CACNA2D4: variants seen among roughly 807,000 people sequenced by gnomAD.
The protein encoded by CACNA2D4 is calcium voltage-gated channel auxiliary subunit alpha2delta 4.
In CACNA2D4, 157 loss-of-function variants were observed where a neutral mutation model predicts 163.8. The observed-to-expected ratio is 0.96, with a 90% confidence interval of 0.84 to 1.09. The LOEUF is 1.09. CACNA2D4 is among the 50% of genes least tolerant of loss of function. The pLI, the probability that CACNA2D4 is intolerant of heterozygous loss-of-function variation, is 0.00. For missense variants in CACNA2D4, 1,410 were observed against 1,479.9 expected, an observed-to-expected ratio of 0.95 and a Z score of 0.78; for synonymous variants, 598 against 586.9, an observed-to-expected ratio of 1.02 and a Z score of -0.27.
In CACNA2D4 at chr12:1,828,201, G is replaced by A; in HGVS notation, c.2551+12538C>T. The A allele has an allele frequency of 1.9e-6, 3 of 1,546,788 alleles. No homozygotes were observed. The highest frequency in any genetic ancestry group is 2.6e-6 in the Non-Finnish European group (3 of 1,145,278). On this transcript the variant is annotated intron_variant, in intron 26 of 37. Coordinates refer to ENST00000382722, the MANE Select transcript of CACNA2D4 (RefSeq NM_172364.5). This position sits in a 1 kb window ranked among gnomAD's most constrained non-coding sequence, Gnocchi z 4.2. Reference sequence around the variant, plus strand: ...CAGAGGGGCAGGCTCGCCCTGCAGTGGAGGCAAGTCTCCTGTGAGTACACC... The same window carrying A: ...CAGAGGGGCAGGCTCGCCCTGCAGTAGAGGCAAGTCTCCTGTGAGTACACC...
chr12:1,865,240 C>A (rs1431062221), intron 18 of CACNA2D4, among the ~76,000 whole-genome samples: 1 of 152,216 alleles, frequency 6.6e-6, no homozygotes. Context: ...TGGATCGGGG[C>A]ACCGCGGAGC....
At position 1,814,410 on chromosome 12, in the gene CACNA2D4, C is replaced by T. The variant is rs2154445998; in HGVS notation, c.2552-2687G>A. 1.3e-5 allele frequency among the ~76,000 whole-genome samples: 2 copies of T among 152,328 alleles called. 1 individual carries two copies. The highest frequency in any genetic ancestry group is 6.8e-3 in the Middle Eastern group (2 of 294). On this transcript the variant is annotated intron_variant, in intron 26 of 37. Coordinates refer to ENST00000382722, the MANE Select transcript of CACNA2D4 (RefSeq NM_172364.5). ...CTTTGCGAAATTTAGGGCATTGCAA[C>T]CGCCTATTGGCATGTCATCTGCCCT...
rs991580202 is a variant in CACNA2D4 at position 1,917,137 on chromosome 12, A to G, written c.227+1110T>C. ...CCAGGCTGACAGGAGTTCAAATCCC[A>G]GCACCTTCACTTCCTGGCCTTGTGA... On this transcript the variant is annotated intron_variant, in intron 1 of 37. Coordinates refer to ENST00000382722, the MANE Select transcript of CACNA2D4 (RefSeq NM_172364.5). The surrounding 1 kb of genome is among the most constrained non-coding windows in gnomAD (Gnocchi z 4.3). Among the ~76,000 whole-genome samples the G allele has an allele frequency of 1.3e-5, 2 of 152,184 alleles. No individual in the cohort carries two copies. Among genetic ancestry groups the G allele is most frequent in the Admixed American group, 1.3e-4 (2 of 15,282 alleles).
intron 6 of CACNA2D4, among the ~76,000 whole-genome samples, chr12:1,899,106 G>T (rs992864254): frequency 6.6e-6 from 1 of 151,898 alleles, no homozygotes; most frequent in Admixed American, 6.6e-5. Context: ...TATATATTTT[G>T]CCATAAATAA....
At position 1,834,785 on chromosome 12, in the gene CACNA2D4, G is replaced by A. The variant is rs1314832626; in HGVS notation, c.2551+5954C>T. 1 of 1,510,994 alleles carries A rather than the reference G, an allele frequency of 6.6e-7. No homozygotes were observed. The allele number at this position is 1,510,994 out of a possible 1,614,324, so 93.6% of individuals were successfully genotyped here. A position where few individuals can be genotyped will look rare whatever the true frequency, so the allele number is the denominator to read the frequency against. ...GAGCACACGGCATTGCTCAGCCACA[G>A]CTCCCACCTTGACCCGGCGCTGGCC... is the stretch of plus-strand genomic sequence containing the variant. On this transcript the variant is annotated intron_variant, in intron 26 of 37. Coordinates refer to ENST00000382722, the MANE Select transcript of CACNA2D4 (RefSeq NM_172364.5). The surrounding 1 kb of genome is among the most constrained non-coding windows in gnomAD (Gnocchi z 7.6).
intron 6 of CACNA2D4, among the ~76,000 whole-genome samples, chr12:1,894,225 A>G (rs60358148): frequency 0.015 from 2,244 of 152,234 alleles, 65 homozygotes; most frequent in African/African-American, 0.05. Flanking sequence ...ATAACACATA[A>G]TAAAATTGAA....
rs1265954939 is a variant in CACNA2D4 at position 1,918,486 on chromosome 12, C to A, written c.-13G>T. 1 of 1,548,770 alleles carries A rather than the reference C, an allele frequency of 6.5e-7. No individual in the cohort carries two copies. Among genetic ancestry groups the A allele is most frequent in the Admixed American group, 2.0e-5 (1 of 50,954 alleles). On this transcript the variant is annotated 5_prime_UTR_variant, in exon 1 of 38. Transcript: ENST00000382722. ...AGCCACAGACCATGAGCTCTGTCTG[C>A]CTTCCTCCCAGACCCCAGGACGCCC...
intron 26 of CACNA2D4, among the ~76,000 whole-genome samples, chr12:1,837,314 G>C (rs576010699): frequency 6.6e-6 from 1 of 152,198 alleles, no homozygotes; most frequent in Non-Finnish European, 1.5e-5. Flanking sequence ...TGGCCAGGAG[G>C]AGGAGCCTGT....
At position 1,856,236 on chromosome 12, in the gene CACNA2D4, C is replaced by G; in HGVS notation, c.2009-7G>C. ...TGAAGCAAGTCATGCAGGCCTGAAACCAGAGTCCACATTCAGGGTGATGCT... is the reference window on the plus strand; with the variant it reads ...TGAAGCAAGTCATGCAGGCCTGAAAGCAGAGTCCACATTCAGGGTGATGCT... On this transcript the variant is annotated splice_polypyrimidine_tract_variant and splice_region_variant and intron_variant, in intron 20 of 37. Transcript: ENST00000382722. The G allele has an allele frequency of 1.2e-6, 2 of 1,614,028 alleles. No individual in the cohort carries two copies. The highest frequency in any genetic ancestry group is 1.7e-6 in the Non-Finnish European group (2 of 1,179,882).
rs1416307986 is a variant in CACNA2D4 at position 1,885,141 on chromosome 12, G to T, written c.1069-65C>A. 8 of 1,392,094 alleles carry T rather than the reference G, an allele frequency of 5.7e-6. No individual in the cohort carries two copies. The African/African-American group carries it at 9.9e-5, about 17-fold the overall frequency. The allele number at this position is 1,392,094 out of a possible 1,614,324, so 86.2% of individuals were successfully genotyped here. Reference sequence around the variant, plus strand: ...AGTGGGCCAGTGGAGCTTCATGTTTGGTGTTAATTTGGGAGGCTGTTTAGG... The same window carrying T: ...AGTGGGCCAGTGGAGCTTCATGTTTTGTGTTAATTTGGGAGGCTGTTTAGG... On this transcript the variant is annotated intron_variant, in intron 9 of 37. Coordinates refer to ENST00000382722, the MANE Select transcript of CACNA2D4 (RefSeq NM_172364.5).
At position 1,810,536 on chromosome 12, in the gene CACNA2D4, A is replaced by G. The variant is rs374502921; in HGVS notation, c.2658+7T>C. 1.3e-5 allele frequency: 20 copies of G among 1,553,324 alleles called. No individual in the cohort carries two copies. The highest frequency in any genetic ancestry group is 1.7e-5 in the Non-Finnish European group (19 of 1,147,928). ...TCCTCCACCTTCCTCACACGGGCAGAACTTACACTGTCCTCGCAGCTCTGT... is the reference window on the plus strand; with the variant it reads ...TCCTCCACCTTCCTCACACGGGCAGGACTTACACTGTCCTCGCAGCTCTGT... On this transcript the variant is annotated splice_region_variant and intron_variant, in intron 28 of 37. Transcript: ENST00000382722.
chr12:1,796,610 G>A (rs1863135255), intron 35 of CACNA2D4, among the ~76,000 whole-genome samples: 1 of 152,234 alleles, frequency 6.6e-6, no homozygotes, highest in East Asian at 1.9e-4. Flanking sequence ...CCTCAACGCT[G>A]CACAGAACCC....
At position 1,913,048 on chromosome 12, in the gene CACNA2D4, A is replaced by G. The variant is rs750674055; in HGVS notation, c.401T>C (p.Leu134Pro). ...RKFSEDMENM[L>P]RRKVEAVQNL... The stretch of plus-strand genomic sequence containing the variant: ...CTGGACCGCCTCGACTTTCCTCCGC[A>G]GCATGTTCTCCATGTCCTCTGAGAA... Residue 134 changes from leucine to proline, a missense_variant, in exon 3 of 38, where the codon CTG becomes CCG. By Grantham distance (98) the Leu-to-Pro change is moderately conservative (BLOSUM62 -3). Coordinates refer to ENST00000382722, the MANE Select transcript of CACNA2D4 (RefSeq NM_172364.5). 2 of 1,613,576 alleles carry G rather than the reference A, an allele frequency of 1.2e-6. No homozygotes were observed.
At position 1,795,280 on chromosome 12, in the gene CACNA2D4, G is replaced by A; in HGVS notation, c.3309+19C>T. On this transcript the variant is annotated intron_variant, in intron 37 of 37. Coordinates refer to ENST00000382722, the MANE Select transcript of CACNA2D4 (RefSeq NM_172364.5). ...GGGGATGAAAATCCAGCCCACCCTC[G>A]ATCCGCCTCAACCCGCACCTCTGGA... 1 of 1,611,212 alleles carries A rather than the reference G, an allele frequency of 6.2e-7. No homozygotes were observed. Among genetic ancestry groups the A allele is most frequent in the Non-Finnish European group, 8.5e-7 (1 of 1,178,766 alleles).
At chr12:1,855,248 C>A (rs1229928405) in intron 22 of CACNA2D4, among the ~76,000 whole-genome samples, 2 of 152,170 alleles carry the variant, frequency 1.3e-5, no homozygotes, top group African/African-American at 4.8e-5. Context: ...CAGGGCCTGA[C>A]ACAGGGTGCA....
At chr12:1,893,166 T>C (rs1866326137) in intron 6 of CACNA2D4, among the ~76,000 whole-genome samples, 1 of 152,222 alleles carries the variant, frequency 6.6e-6, no homozygotes, top group Admixed American at 6.5e-5. Context: ...GAACGTTTTA[T>C]CTGACAGCCA....
At chr12:1,868,978 C>T (rs1436461655) in intron 18 of CACNA2D4, among the ~76,000 whole-genome samples, 1 of 151,558 alleles carries the variant, frequency 6.6e-6, no homozygotes, top group Non-Finnish European at 1.5e-5. Context: ...TAAATCTACA[C>T]CATTTAATAG....
chr12:1,867,082 T>C (rs776481691), intron 18 of CACNA2D4, among the ~76,000 whole-genome samples: 3 of 152,222 alleles, frequency 2.0e-5, no homozygotes, highest in Non-Finnish European at 4.4e-5. Context: ...TGTTTCCCTT[T>C]ATGTAATGCA....
intron 26 of CACNA2D4, among the ~76,000 whole-genome samples, chr12:1,816,105 C>T (rs1056478922): frequency 7.9e-5 from 12 of 152,174 alleles, no homozygotes; most frequent in Admixed American, 6.5e-4. Context: ...CGAGTCTTCT[C>T]CCCCAGGATC....
Sources: allele counts gnomAD v4.1 joint callset (sites outside exome capture counted in the v4.1 genomes callset), GRCh38; gene constraint gnomAD v4.1.1; non-coding constraint Gnocchi (gnomAD v3.1); transcripts MANE v1.5; gene names NCBI Gene and HGNC (gene_info 2026-07-23, HGNC 2026-07-21).